Variants in RAP1GAP observed in about 807,000 individuals in gnomAD.
RAP1GAP encodes rap1 GTPase-activating protein 1.
In RAP1GAP, 35 loss-of-function variants were observed where a neutral mutation model predicts 87.2. The observed-to-expected ratio is 0.40, with a 90% CI of 0.31 to 0.53. The LOEUF (loss-of-function observed/expected upper bound fraction) is 0.53. Ranked by LOEUF, RAP1GAP falls within the 20% of genes least tolerant of loss-of-function variation. RAP1GAP has a pLI of 0.48. For missense variants in RAP1GAP, 734 were observed against 898.9 expected, an observed-to-expected ratio of 0.82 and a Z score of 2.35; for synonymous variants, 375 against 363.9, an observed-to-expected ratio of 1.03 and a Z score of -0.35.
Position 21,613,379 on chromosome 1 carries a change from G to T in RAP1GAP, c.475-150C>A. 1.2e-6 allele frequency: 1 copy of T among 803,092 alleles called. No homozygotes were observed. Among genetic ancestry groups the T allele is most frequent in the Non-Finnish European group, 2.1e-6 (1 of 475,566 alleles). The allele number at this position is 803,092 out of a possible 1,614,324, so 49.7% of individuals were successfully genotyped here. On this transcript the variant is annotated intron_variant, in intron 9 of 24. Transcript: ENST00000374765. This position sits in a 1 kb window ranked among gnomAD's most constrained non-coding sequence, Gnocchi z 4.7. Reference sequence around the variant, plus strand: ...GACTCGGGGTTCACTGTTGCTCAGGGAACGGAGGTCCCCTGAGATCTGAAG... The same window carrying T: ...GACTCGGGGTTCACTGTTGCTCAGGTAACGGAGGTCCCCTGAGATCTGAAG...
At chr1:21,657,969 CCA>C (rs2152262598) in intron 1 of RAP1GAP, among the ~76,000 whole-genome samples, 1 of 152,264 alleles carries the variant, frequency 6.6e-6, no homozygotes, top group South Asian at 2.1e-4. Context: ...GCTCTGCCCC[CCA>C]GAGGGCGCCA....
intron 20 of RAP1GAP, among the ~76,000 whole-genome samples, chr1:21,601,184 C>T (rs1471510147): frequency 6.6e-6 from 1 of 152,108 alleles, no homozygotes. Flanking sequence ...GCATACGTCA[C>T]CACTCCCAGC....
At chr1:21,662,095 C>G (rs931230759) in intron 1 of RAP1GAP, among the ~76,000 whole-genome samples, 3 of 152,206 alleles carry the variant, frequency 2.0e-5, no homozygotes, top group African/African-American at 7.2e-5. Context: ...CAGCCCCACT[C>G]CAATGCAGGG....
At chr1:21,623,901 T>C (rs529704401) in intron 3 of RAP1GAP, among the ~76,000 whole-genome samples, 4 of 152,276 alleles carry the variant, frequency 2.6e-5, no homozygotes, top group Non-Finnish European at 1.5e-5. Context: ...TGTGCACATA[T>C]GCGTGCAGCC....
intron 2 of RAP1GAP, among the ~76,000 whole-genome samples, chr1:21,639,436 GA>G (rs2095292221): frequency 1.3e-5 from 2 of 152,218 alleles, no homozygotes; most frequent in African/African-American, 4.8e-5. Flanking sequence ...AACAAGACCT[GA>G]AAGTCAAACG....
chr1:21,625,853 C>T (rs1558753308), intron 3 of RAP1GAP, among the ~76,000 whole-genome samples: 1 of 152,260 alleles, frequency 6.6e-6, no homozygotes. Flanking sequence ...TTGATTTTAA[C>T]GATAATGATA....
intron 2 of RAP1GAP, among the ~76,000 whole-genome samples, chr1:21,628,173 G>A (rs12567723): frequency 0.12 from 18,417 of 152,094 alleles, 1,326 homozygotes; most frequent in East Asian, 0.35. Context: ...ACATCCCTAC[G>A]CACAGGTTCC....
Position 21,609,023 on chromosome 1 carries a change from G to A in RAP1GAP, c.1072-87C>T, listed in dbSNP as rs2076565057. The A allele has an allele frequency of 1.8e-6, 2 of 1,126,274 alleles. No homozygotes were observed. Among genetic ancestry groups the A allele is most frequent in the Non-Finnish European group, 2.7e-6 (2 of 741,176 alleles). 69.8% of individuals were successfully genotyped at this position (1,126,274 alleles called of 1,614,324 possible). A position where few individuals can be genotyped will look rare whatever the true frequency, so the allele number is the denominator to read the frequency against. On this transcript the variant is annotated intron_variant, in intron 15 of 24. Transcript: ENST00000374765. This position sits in a 1 kb window ranked among gnomAD's most constrained non-coding sequence, Gnocchi z 4.4. ...TCGGAACCCCAACGAGGCAGAGGCT[G>A]CAGCTCCTGAACCATGCTCTGCTGG...
intron 2 of RAP1GAP, among the ~76,000 whole-genome samples, chr1:21,643,641 C>G (rs1196854588): frequency 6.6e-6 from 1 of 152,150 alleles, no homozygotes; most frequent in Non-Finnish European, 1.5e-5. Flanking sequence ...ACGACAGTGC[C>G]TAAAATTCTA....
intron 2 of RAP1GAP, among the ~76,000 whole-genome samples, chr1:21,628,610 C>T (rs1001042576): frequency 6.6e-6 from 1 of 152,078 alleles, no homozygotes; most frequent in Admixed American, 6.6e-5. Flanking sequence ...GTCCCAGCTA[C>T]TTGGGAGGCT....
chr1:21,606,263 G>C lies in RAP1GAP; in HGVS notation c.1297-66C>G, dbSNP rs2074488838. 24 of 1,529,772 alleles carry C rather than the reference G, an allele frequency of 1.6e-5. No homozygotes were observed. The South Asian group carries it at 2.0e-4, about 13-fold the overall frequency. 94.8% of individuals were successfully genotyped at this position (1,529,772 alleles called of 1,614,324 possible). A position where few individuals can be genotyped will look rare whatever the true frequency, so the allele number is the denominator to read the frequency against. Reference sequence around the variant, plus strand: ...AGGGCCGTCCCCTTGGGGAAACCCAGGAGCCCAGGCATCTGGTCTCTCCCC... The same window carrying C: ...AGGGCCGTCCCCTTGGGGAAACCCACGAGCCCAGGCATCTGGTCTCTCCCC... On this transcript the variant is annotated intron_variant, in intron 17 of 24. Coordinates refer to ENST00000374765, the MANE Select transcript of RAP1GAP (RefSeq NM_002885.4).
chr1:21,623,232 C>T (rs1420903915), intron 3 of RAP1GAP, among the ~76,000 whole-genome samples: 4 of 152,198 alleles, frequency 2.6e-5, no homozygotes, highest in Non-Finnish European at 4.4e-5. Context: ...GATTTTGGGA[C>T]ATGTGGATTC....
At chr1:21,655,139 GAAA>G (rs750522857) in intron 1 of RAP1GAP, among the ~76,000 whole-genome samples, 1 of 116,518 alleles carries the variant, frequency 8.6e-6, no homozygotes. Flanking sequence ...GACTCTGTCT[GAAA>G]AAAAAAAAAA....
chr1:21,654,243 T>G (rs1269970055), intron 1 of RAP1GAP, among the ~76,000 whole-genome samples: 2 of 152,216 alleles, frequency 1.3e-5, no homozygotes, highest in Non-Finnish European at 2.9e-5. Flanking sequence ...AGAATTTATC[T>G]TCTGCATCAT....
At chr1:21,633,037 G>T (rs1260136249) in intron 2 of RAP1GAP, among the ~76,000 whole-genome samples, 1 of 152,160 alleles carries the variant, frequency 6.6e-6, no homozygotes, top group African/African-American at 2.4e-5. Flanking sequence ...TGGTGAGAGG[G>T]TCCTGTCTTT....
chr1:21,598,372 T>C (rs1312482095), intron 22 of RAP1GAP, 28 bp downstream of exon 22: 2 of 1,576,650 alleles, frequency 1.3e-6, no homozygotes, highest in South Asian at 2.2e-5. Context: ...TAGCCCTGCT[T>C]TGTGGGGAAG....
At chr1:21,619,884 A>G in intron 4 of RAP1GAP, 131 bp downstream of exon 4, 1 of 962,080 alleles carries the variant, frequency 1.0e-6, no homozygotes, top group South Asian at 1.4e-5. Context: ...CTGGACAACC[A>G]ATAGCCACCA....
chr1:21,608,028 G>T (rs759836596), intron 17 of RAP1GAP, among the ~76,000 whole-genome samples, 185 bp downstream of exon 17: 1 of 150,180 alleles, frequency 6.7e-6, no homozygotes, highest in Non-Finnish European at 1.5e-5. Context: ...ACTCCAATGC[G>T]AACGGCCTCT....
intron 2 of RAP1GAP, among the ~76,000 whole-genome samples, chr1:21,631,254 G>C (rs829382): frequency 0.18 from 28,043 of 152,164 alleles, 3,172 homozygotes; most frequent in East Asian, 0.35. Flanking sequence ...CAGCAGCTGC[G>C]GGGAGCCCAG....
Sources: gnomAD v4.1 joint callset for allele counts (sites outside exome capture counted in the v4.1 genomes callset) on GRCh38, gnomAD v4.1.1 for gene constraint, Gnocchi (gnomAD v3.1) non-coding constraint, MANE v1.5 for transcripts, NCBI Gene and HGNC (gene_info 2026-07-23, HGNC 2026-07-21) for gene names.